ROBO4: variants seen among roughly 807,000 people sequenced by gnomAD.
ROBO4 encodes roundabout guidance receptor 4, also known as roundabout homolog 4.
In ROBO4, 80 loss-of-function variants were observed where a neutral mutation model predicts 103.3. That is an observed-to-expected ratio of 0.77 (90% confidence interval 0.65 to 0.93). ROBO4 has a LOEUF of 0.93. Ranked by LOEUF, ROBO4 falls within the 40% of genes least tolerant of loss-of-function variation. The pLI is 0.00. For synonymous variants in ROBO4, 504 were observed against 529.7 expected, an observed-to-expected ratio of 0.95 and a Z score of 0.67; for missense variants, 1,333 against 1,305.3, an observed-to-expected ratio of 1.02 and a Z score of -0.33.
chr11:124,885,101 G>A lies in ROBO4; in HGVS notation c.2941C>T (p.Pro981Ser). ...RLGRGMPPWP[P>S]DSQISSQRSQ... ...CTCTGGGAAGAGATCTGAGAGTCAG[G>A]GGGCCAGGGAGGCATCCCCCTTCCC... The change falls in exon 17 of 18, where the codon CCT (proline) becomes TCT (serine). Residue 981 changes from proline to serine, a missense_variant. By Grantham distance (74) the Pro-to-Ser change is moderately conservative. Coordinates refer to ENST00000306534, the MANE Select transcript of ROBO4 (RefSeq NM_019055.6). The A allele has an allele frequency of 6.2e-7, 1 of 1,614,152 alleles. No homozygotes were observed. The highest frequency in any genetic ancestry group is 1.1e-5 in the South Asian group (1 of 91,080).
chr11:124,896,455 G>C (rs982050270), intron 3 of ROBO4, 58 bp downstream of exon 3: 6 of 1,598,540 alleles, frequency 3.8e-6, no homozygotes, highest in Non-Finnish European at 4.3e-6. Context: ...CAGTCCATCA[G>C]GGTGTACCCA....
At position 124,891,442 on chromosome 11, in the gene ROBO4, G is replaced by C; in HGVS notation, c.1805C>G (p.Pro602Arg). The change falls in exon 12 of 18, where the codon CCA becomes CGA. Residue 602 changes from proline to arginine, a missense_variant. By Grantham distance (103) the Pro-to-Arg change is moderately radical. Coordinates refer to ENST00000306534, the MANE Select transcript of ROBO4 (RefSeq NM_019055.6). Reference protein sequence around the residue: ...STPARPSPQVPAVRRLPPQLA... With the variant: ...STPARPSPQVRAVRRLPPQLA... Reference sequence around the variant, plus strand: ...CTGGGGTGGGAGGCGCCTGACAGCTGGGACCTGGGGACTTGGCCTGGCTGG... The same window carrying C: ...CTGGGGTGGGAGGCGCCTGACAGCTCGGACCTGGGGACTTGGCCTGGCTGG... 6.2e-7 allele frequency: 1 copy of C among 1,600,432 alleles called. No homozygotes were observed. Among genetic ancestry groups the C allele is most frequent in the Non-Finnish European group, 8.5e-7 (1 of 1,172,118 alleles).
chr11:124,894,414 A>G, intron 7 of ROBO4, 45 bp from the exon 8 acceptor site: 1 of 1,576,584 alleles, frequency 6.3e-7, no homozygotes, highest in Non-Finnish European at 8.6e-7. Context: ...GCACCATCCC[A>G]GAAGCCAAGC....
At chr11:124,897,470 GCTCT>G (rs10553259) in intron 1 of ROBO4, 21,796 of 458,352 alleles carry the variant, frequency 0.048, no homozygotes, top group Non-Finnish European at 0.059. Flanking sequence ...TAGCATGTTC[GCTCT>G]CTCTCTCTCT....
At chr11:124,886,046 C>A (rs1020790358) in intron 16 of ROBO4, among the ~76,000 whole-genome samples, 1 of 152,180 alleles carries the variant, frequency 6.6e-6, no homozygotes, top group African/African-American at 2.4e-5. Context: ...AAAAAATTAG[C>A]TGGGCATGGT....
rs767574908 is a variant in ROBO4, at chr11:124,886,569, C to T, written c.2689G>A (p.Asp897Asn). ...TGAGCATCAGCGAGGAAGGAGCCATCGGAGGAGCTGACAAGGCTGGCTCTG... is the reference window on the plus strand; with the variant it reads ...TGAGCATCAGCGAGGAAGGAGCCATTGGAGGAGCTGACAAGGCTGGCTCTG... ...SARASLVSSS[D>N]GSFLADAHFA... is the part of the protein sequence containing the mutation. Residue 897 changes from aspartate to asparagine, a missense_variant, in exon 16 of 18, where the codon GAT becomes AAT. Physicochemically the swap from Asp to Asn is conservative, Grantham distance 23. Coordinates refer to ENST00000306534, the MANE Select transcript of ROBO4 (RefSeq NM_019055.6). The T allele has an allele frequency of 2.7e-5, 44 of 1,614,062 alleles. No individual in the cohort carries two copies. The highest frequency in any genetic ancestry group is 5.3e-5 in the African/African-American group (4 of 74,934).
chr11:124,893,616 A>C, intron 10 of ROBO4, 72 bp downstream of exon 10: 1 of 1,403,602 alleles, frequency 7.1e-7, no homozygotes, highest in Non-Finnish European at 1.0e-6. Context: ...CTAGTACTCC[A>C]TTCTTCTCTG....
chr11:124,891,496 G>A lies in ROBO4; in HGVS notation c.1751C>T (p.Ser584Phe). ...ACTGGAGGGCAGCTCAGCGATGAGG[G>A]AGCCATAAAAAGTGCTGGTGTCTGG... ...LLPDTSTFYG[S>F]LIAELPSSTP... The change falls in exon 12 of 18, where the codon TCC becomes TTC. Residue 584 changes from serine to phenylalanine, a missense_variant. Ser to Phe is a radical substitution (Grantham distance 155). Transcript: ENST00000306534. 2 of 1,614,096 alleles carry A rather than the reference G, an allele frequency of 1.2e-6. No individual in the cohort carries two copies. Among genetic ancestry groups the A allele is most frequent in the Middle Eastern group, 1.7e-4 (1 of 6,054 alleles).
rs755258255 is a variant in ROBO4, at chr11:124,895,173, C to T, written c.1057G>A (p.Glu353Lys). 1.2e-6 allele frequency: 2 copies of T among 1,613,938 alleles called. No individual in the cohort carries two copies. The highest frequency in any genetic ancestry group is 2.2e-5 in the South Asian group (2 of 91,066). ...PEKVPSAPPQ[E>K]VTLKPGNGTV... ...CCATTGCCAGGCTTTAGAGTCACTT[C>T]CTGAGGTGGGGCACTGGGCACTGGA... is the stretch of plus-strand genomic sequence containing the variant. Residue 353 changes from glutamate to lysine, a missense_variant, in exon 7 of 18, where the codon GAA becomes AAA. Coordinates refer to ENST00000306534, the MANE Select transcript of ROBO4 (RefSeq NM_019055.6).
Position 124,887,085 on chromosome 11 carries a change from C to T in ROBO4, c.2327G>A (p.Arg776His), listed in dbSNP as rs144947842. 112 of 1,613,462 alleles carry T rather than the reference C, an allele frequency of 6.9e-5. No individual in the cohort carries two copies. The African/African-American group carries it at 1.0e-3, about 14-fold the overall frequency. ...GGATGACAGTGAGGAGCTGGACAGGCGACTGGAAGCTGGGCTGGGGCCAGA... is the reference window on the plus strand; with the variant it reads ...GGATGACAGTGAGGAGCTGGACAGGTGACTGGAAGCTGGGCTGGGGCCAGA... ...SLSGPSPASS[R>H]LSSSSLSSLG... is the part of the protein sequence containing the mutation. Residue 776 changes from arginine to histidine, a missense_variant, in exon 15 of 18, where the codon CGC becomes CAC. Transcript: ENST00000306534.
At position 124,895,529 on chromosome 11, in the gene ROBO4, T is replaced by C. The variant is rs1425924089; in HGVS notation, c.964A>G (p.Lys322Glu). Residue 322 changes from lysine to glutamate, a missense_variant, in exon 6 of 18, where the codon AAA becomes GAA. Physicochemically the swap from Lys to Glu is moderately conservative, Grantham distance 56. Coordinates refer to ENST00000306534, the MANE Select transcript of ROBO4 (RefSeq NM_019055.6). ...GLHWGQDYEF[K>E]VRPSSGRARG... The stretch of plus-strand genomic sequence containing the variant: ...GCCCGGCCAGAGGATGGTCTCACTT[T>C]GAACTCGTAGTCTTGGCCCCAGTGG... 1 of 1,612,276 alleles carries C rather than the reference T, an allele frequency of 6.2e-7. No individual in the cohort carries two copies. Among genetic ancestry groups the C allele is most frequent in the African/African-American group, 1.3e-5 (1 of 75,078 alleles).
At chr11:124,890,556 T>C (rs1946783019) in intron 12 of ROBO4, among the ~76,000 whole-genome samples, 1 of 152,236 alleles carries the variant, frequency 6.6e-6, no homozygotes, top group African/African-American at 2.4e-5. Context: ...ACTTGCAGAA[T>C]TTTGAACCAG....
Position 124,891,403 on chromosome 11 carries a change from G to A in ROBO4, c.1844C>T (p.Ser615Phe). The A allele has an allele frequency of 6.3e-7, 1 of 1,580,630 alleles. No individual in the cohort carries two copies. Among genetic ancestry groups the A allele is most frequent in the South Asian group, 1.2e-5 (1 of 83,894 alleles). The change falls in exon 12 of 18, where the codon TCC (serine) becomes TTC (phenylalanine). Residue 615 changes from serine (S) to phenylalanine (F), a missense_variant. Physicochemically the swap from Ser to Phe is radical, Grantham distance 155. Transcript: ENST00000306534. Reference protein sequence around the residue: ...RRLPPQLAQLSSPCSSSDSLC... With the variant: ...RRLPPQLAQLFSPCSSSDSLC... ...GCTGTCTGAGCTGGAACAGGGGCTG[G>A]AGAGCTGGGCCAGCTGGGGTGGGAG...
intron 1 of ROBO4, 41 bp from the exon 2 acceptor site, chr11:124,897,302 A>G: frequency 7.4e-7 from 1 of 1,357,718 alleles, no homozygotes. Context: ...GATCACCAGC[A>G]ACACCCCAAA....
intron 2 of ROBO4, 23 bp from the exon 3 acceptor site, chr11:124,896,693 C>A: frequency 6.2e-7 from 1 of 1,611,692 alleles, no homozygotes; most frequent in Non-Finnish European, 8.5e-7. Context: ...TGGAAGGTGA[C>A]ACGGAGCAGG....
At chr11:124,887,249 C>A in intron 14 of ROBO4, 36 bp from the exon 15 acceptor site, 20 of 1,589,376 alleles carry the variant, frequency 1.3e-5, no homozygotes, top group Non-Finnish European at 1.7e-5. Flanking sequence ...ACCGTAGTTA[C>A]TACAGCTCTT....
intron 4 of ROBO4, 86 bp downstream of exon 4, chr11:124,896,112 T>C: frequency 3.2e-6 from 5 of 1,567,094 alleles, no homozygotes; most frequent in Non-Finnish European, 4.3e-6. Flanking sequence ...TGACCCCACA[T>C]ACCTTAACCC....
At chr11:124,896,692 A>G in intron 2 of ROBO4, 22 bp from the exon 3 acceptor site, 1 of 1,612,266 alleles carries the variant, frequency 6.2e-7, no homozygotes, top group Non-Finnish European at 8.5e-7. Context: ...ATGGAAGGTG[A>G]CACGGAGCAG....
chr11:124,887,763 T>C lies in ROBO4; in HGVS notation c.2026A>G (p.Arg676Gly). ...CTTTGGGAAAGGTTCTTGGAACCTCTATTTCCTAACTCACAGGCCCGGAGC... is the reference window on the plus strand; with the variant it reads ...CTTTGGGAAAGGTTCTTGGAACCTCCATTTCCTAACTCACAGGCCCGGAGC... Reference protein sequence around the residue: ...LELRACELGNRGSKNLSQSPG... With the variant: ...LELRACELGNGGSKNLSQSPG... Residue 676 changes from arginine (R) to glycine (G), a missense_variant, in exon 13 of 18, where the codon AGA becomes GGA. By Grantham distance (125) the Arg-to-Gly change is moderately radical. Coordinates refer to ENST00000306534, the MANE Select transcript of ROBO4 (RefSeq NM_019055.6). 1 of 1,614,032 alleles carries C rather than the reference T, an allele frequency of 6.2e-7. No individual in the cohort carries two copies. Among genetic ancestry groups the C allele is most frequent in the Non-Finnish European group, 8.5e-7 (1 of 1,179,950 alleles).
Sources: allele counts gnomAD v4.1 joint callset (sites outside exome capture counted in the v4.1 genomes callset), GRCh38; gene constraint gnomAD v4.1.1; transcripts MANE v1.5; gene names NCBI Gene and HGNC (gene_info 2026-07-23, HGNC 2026-07-21).